Variants in ANKRD12 observed in about 807,000 individuals in gnomAD.
ANKRD12 encodes ankyrin repeat domain-containing protein 12.
In ANKRD12, 85 loss-of-function variants were observed where a neutral mutation model predicts 183.4. The observed-to-expected ratio is 0.46, with a 90% CI of 0.39 to 0.56. ANKRD12 has a LOEUF of 0.56. Ranked by LOEUF, ANKRD12 falls within the 20% of genes least tolerant of loss-of-function variation. The pLI is 0.00. For synonymous variants in ANKRD12, 914 were observed against 800.2 expected, an observed-to-expected ratio of 1.14 and a Z score of -2.40; for missense variants, 2,405 against 2,357.1, an observed-to-expected ratio of 1.02 and a Z score of -0.42.
intron 1 of ANKRD12, among the ~76,000 whole-genome samples, chr18:9,143,286 G>GT (rs1407735437): frequency 6.6e-6 from 1 of 152,266 alleles, no homozygotes; most frequent in African/African-American, 2.4e-5. Flanking sequence ...AAATTTATAA[G>GT]TTATAAAAAT....
At position 9,257,030 on chromosome 18, in the gene ANKRD12, TCTC is replaced by T. The variant is rs757311943; in HGVS notation, c.3766_3768del (p.Pro1256del). Reference sequence around the variant, plus strand: ...GTCACCTTTTTTGTCAATTGCCAAATCTCCTGCTCTTCATGAAAGGGAATTGGA... The same window carrying T: ...GTCACCTTTTTTGTCAATTGCCAAATCTGCTCTTCATGAAAGGGAATTGGA... On this transcript the variant is annotated inframe_deletion, in exon 9 of 13. Coordinates refer to ENST00000262126, the MANE Select transcript of ANKRD12 (RefSeq NM_015208.5). The T allele has an allele frequency of 6.2e-6, 10 of 1,613,964 alleles. No individual in the cohort carries two copies. Among genetic ancestry groups the T allele is most frequent in the East Asian group, 2.2e-5 (1 of 44,888 alleles).
chr18:9,176,191 G>A (rs1394054588), intron 1 of ANKRD12, among the ~76,000 whole-genome samples: 4 of 152,090 alleles, frequency 2.6e-5, no homozygotes, highest in Admixed American at 6.5e-5. Flanking sequence ...GAACATTTTT[G>A]TTTGCCTAAT....
intron 1 of ANKRD12, among the ~76,000 whole-genome samples, chr18:9,157,538 A>G (rs1448869538): frequency 7.4e-6 from 1 of 134,582 alleles, no homozygotes; most frequent in African/African-American, 3.2e-5. Context: ...GGTAAATTTT[A>G]TGGTGTGTGT....
At chr18:9,278,145 C>T (rs1332582207) in intron 11 of ANKRD12, among the ~76,000 whole-genome samples, 2 of 152,184 alleles carry the variant, frequency 1.3e-5, no homozygotes, top group African/African-American at 4.8e-5. Flanking sequence ...CAGAGAGAAA[C>T]TTATGCTAAA....
chr18:9,194,297 A>G (rs181924864), intron 2 of ANKRD12, among the ~76,000 whole-genome samples: 1 of 152,012 alleles, frequency 6.6e-6, no homozygotes, highest in Non-Finnish European at 1.5e-5. Flanking sequence ...GCTAGTCAGG[A>G]AGCCATTTGA....
intron 1 of ANKRD12, among the ~76,000 whole-genome samples, chr18:9,138,923 G>A (rs577816682): frequency 1.3e-5 from 2 of 152,148 alleles, no homozygotes; most frequent in Non-Finnish European, 2.9e-5. Context: ...AGTTTAACTC[G>A]TTATGTGTTT....
intron 1 of ANKRD12, among the ~76,000 whole-genome samples, chr18:9,154,076 A>G (rs573864610): frequency 1.3e-3 from 199 of 152,208 alleles, no homozygotes; most frequent in Non-Finnish European, 2.6e-3. Flanking sequence ...TGGGAAACCA[A>G]TGAAAAAGTT....
intron 2 of ANKRD12, among the ~76,000 whole-genome samples, chr18:9,187,083 G>T (rs537057287): frequency 6.6e-6 from 1 of 152,180 alleles, no homozygotes; most frequent in South Asian, 2.1e-4. Flanking sequence ...ATAGTGAGTG[G>T]CATTGAAGTC....
At chr18:9,215,383 G>A (rs2036039023) in intron 6 of ANKRD12, among the ~76,000 whole-genome samples, 1 of 152,024 alleles carries the variant, frequency 6.6e-6, no homozygotes, top group Non-Finnish European at 1.5e-5. Flanking sequence ...TGGACAATGA[G>A]AACTCTTTTC....
rs146387173 is a variant in ANKRD12, at chr18:9,271,791, T to C, written c.5764-3733T>C. ...AGATACTTATGATTCTACTGTGGTT[T>C]GTAGACATATTCATGATTGAAAGAA... On this transcript the variant is annotated intron_variant, in intron 10 of 12. Coordinates refer to ENST00000262126, the MANE Select transcript of ANKRD12 (RefSeq NM_015208.5). Among the ~76,000 whole-genome samples the C allele has an allele frequency of 1.8e-3, 274 of 152,348 alleles. 1 individual carries two copies. Among genetic ancestry groups the C allele is most frequent in the African/African-American group, 6.1e-3 (254 of 41,582 alleles).
At chr18:9,212,384 A>G (rs1248022800) in intron 6 of ANKRD12, among the ~76,000 whole-genome samples, 1 of 152,098 alleles carries the variant, frequency 6.6e-6, no homozygotes, top group African/African-American at 2.4e-5. Context: ...TAAAGCAAAT[A>G]CTTACTTATA....
At chr18:9,239,517 C>T in intron 8 of ANKRD12, 1 of 1,287,080 alleles carries the variant, frequency 7.8e-7, no homozygotes, top group Non-Finnish European at 1.0e-6. Flanking sequence ...TGAATTATTG[C>T]TTGGTCAAAG....
At chr18:9,173,538 A>G (rs9652921) in intron 1 of ANKRD12, among the ~76,000 whole-genome samples, 9,604 of 144,244 alleles carry the variant, frequency 0.067, 335 homozygotes, top group Non-Finnish European at 0.08. Context: ...ACCTGTAGGT[A>G]TATCACCAGT....
intron 2 of ANKRD12, among the ~76,000 whole-genome samples, chr18:9,184,618 G>C (rs1383633046): frequency 1.3e-5 from 2 of 152,132 alleles, no homozygotes; most frequent in African/African-American, 4.8e-5. Context: ...TGAGCCACCT[G>C]CCTCAGCCTC....
At chr18:9,177,217 A>G (rs1050767146) in intron 1 of ANKRD12, among the ~76,000 whole-genome samples, 7 of 152,166 alleles carry the variant, frequency 4.6e-5, no homozygotes, top group Non-Finnish European at 8.8e-5. Flanking sequence ...AGATTGTTAC[A>G]CGGAGAATGG....
At chr18:9,213,476 A>G (rs2035918833) in intron 6 of ANKRD12, among the ~76,000 whole-genome samples, 1 of 151,980 alleles carries the variant, frequency 6.6e-6, no homozygotes, top group African/African-American at 2.4e-5. Flanking sequence ...ATTAAAAACT[A>G]GCAACAATCT....
chr18:9,157,916 C>T (rs1001937730), intron 1 of ANKRD12, among the ~76,000 whole-genome samples: 3 of 151,848 alleles, frequency 2.0e-5, no homozygotes, highest in Non-Finnish European at 2.9e-5. Flanking sequence ...CATGAGAAGT[C>T]AAAGAACTTA....
intron 3 of ANKRD12, among the ~76,000 whole-genome samples, chr18:9,203,884 C>T (rs1258507753): frequency 2.0e-5 from 3 of 152,172 alleles, no homozygotes; most frequent in African/African-American, 4.8e-5. Context: ...GGATTACAGG[C>T]GTGAGCCACT....
chr18:9,170,360 T>C (rs2032576036), intron 1 of ANKRD12, among the ~76,000 whole-genome samples: 1 of 152,252 alleles, frequency 6.6e-6, no homozygotes, highest in Non-Finnish European at 1.5e-5. Flanking sequence ...CAGTCAGATG[T>C]AGATTTGGTC....
Sources: gnomAD v4.1 joint callset for allele counts (sites outside exome capture counted in the v4.1 genomes callset) on GRCh38, gnomAD v4.1.1 for gene constraint, MANE v1.5 for transcripts, NCBI Gene and HGNC (gene_info 2026-07-23, HGNC 2026-07-21) for gene names.